SETBP1: variants seen among roughly 807,000 people sequenced by gnomAD.
The protein encoded by SETBP1 is SET-binding protein.
SETBP1 carries 9 observed loss-of-function variants against 101.0 expected under a neutral mutation model. The ratio of observed to expected loss-of-function variants is 0.09; its 90% CI spans 0.05 to 0.16. The LOEUF is 0.16. Among genes scored for constraint, SETBP1 ranks in the 10% least tolerant of loss-of-function variants. The pLI is 1.00. For missense variants in SETBP1, 1,858 were observed against 2,033.8 expected (o/e 0.91, Z 1.66); for synonymous variants, 818 against 788.5 (o/e 1.04, Z -0.63).
intron 5 of SETBP1, among the ~76,000 whole-genome samples, chr18:45,059,875 T>C (rs1238100726): frequency 2.0e-5 from 3 of 152,166 alleles, no homozygotes; most frequent in Non-Finnish European, 4.4e-5. Context: ...AAGTAGATGT[T>C]GAGTAGTAGG....
Position 45,063,898 on chromosome 18 carries a change from A to G in SETBP1, c.*200A>G. The stretch of plus-strand genomic sequence containing the variant: ...AGCAAAGCAGGGAGACACCTTCAGA[A>G]GAAGCTTGTCTGAGCTTCACCGCAG... On this transcript the variant is annotated 3_prime_UTR_variant, in exon 6 of 6. Coordinates refer to ENST00000649279, the MANE Select transcript of SETBP1 (RefSeq NM_015559.3). 7.0e-6 allele frequency: 4 copies of G among 569,290 alleles called. No homozygotes were observed. The highest frequency in any genetic ancestry group is 6.5e-5 in the East Asian group (2 of 30,930). 35.3% of individuals were successfully genotyped at this position (569,290 alleles called of 1,614,324 possible). A position where few individuals can be genotyped will look rare whatever the true frequency, so the allele number is the denominator to read the frequency against.
At chr18:45,046,893 G>T (rs1422244142) in intron 5 of SETBP1, among the ~76,000 whole-genome samples, 1 of 152,156 alleles carries the variant, frequency 6.6e-6, no homozygotes, top group African/African-American at 2.4e-5. Context: ...GCACGATGCT[G>T]GGTGCTTAGT....
In SETBP1 at chr18:45,038,674, C is replaced by A. The variant is rs753108749; in HGVS notation, c.4171+19C>A. ...GATGCAGGTGAGCACTTTTCAGATG[C>A]TTTGGGTTCACCCCAAGCAAGATGA... On this transcript the variant is annotated intron_variant, in intron 5 of 5. Transcript: ENST00000649279. The A allele has an allele frequency of 3.7e-6, 6 of 1,613,264 alleles. No individual in the cohort carries two copies. Among genetic ancestry groups the A allele is most frequent in the Non-Finnish European group, 5.1e-6 (6 of 1,179,688 alleles).
chr18:44,856,910 G>A (rs559054213), intron 2 of SETBP1, among the ~76,000 whole-genome samples: 1 of 152,240 alleles, frequency 6.6e-6, no homozygotes, highest in Non-Finnish European at 1.5e-5. Flanking sequence ...CCCTTGCTTT[G>A]TATAGCTCCC....
At chr18:44,916,119 G>A (rs1437666067) in intron 3 of SETBP1, among the ~76,000 whole-genome samples, 12 of 152,080 alleles carry the variant, frequency 7.9e-5, no homozygotes, top group African/African-American at 1.9e-4. Context: ...CCAGCTACTC[G>A]GGAGGCTGAG....
At position 45,020,084 on chromosome 18, in the gene SETBP1, C is replaced by A. The variant is rs2073025809; in HGVS notation, c.4001-18401C>A. Among the ~76,000 whole-genome samples the A allele has an allele frequency of 2.0e-5, 3 of 151,538 alleles. No homozygotes were observed. In the South Asian group the frequency reaches 6.3e-4, roughly 32 times the overall value. On this transcript the variant is annotated intron_variant, in intron 4 of 5. Transcript: ENST00000649279. ...TGTGGCAGGTTGAGATTTAAAGTTA[C>A]TCATATAATCGTTTGGTCTTCAGCC...
chr18:44,909,731 C>T (rs1399498779), intron 3 of SETBP1, among the ~76,000 whole-genome samples: 1 of 152,120 alleles, frequency 6.6e-6, no homozygotes, highest in Non-Finnish European at 1.5e-5. Context: ...GATGACAAAA[C>T]CAAGGCACAG....
intron 4 of SETBP1, among the ~76,000 whole-genome samples, chr18:44,982,532 C>T (rs2072137915): frequency 6.6e-6 from 1 of 152,172 alleles, no homozygotes; most frequent in Non-Finnish European, 1.5e-5. Flanking sequence ...CATATTCAAT[C>T]AAGCAAGAGC....
intron 2 of SETBP1, among the ~76,000 whole-genome samples, chr18:44,736,465 G>C (rs1411296171): frequency 6.6e-6 from 1 of 152,136 alleles, no homozygotes; most frequent in Admixed American, 6.5e-5. Context: ...CAGTTTTATA[G>C]ACATAAGGAT....
intron 2 of SETBP1, among the ~76,000 whole-genome samples, chr18:44,774,211 G>T (rs184392371): frequency 6.6e-6 from 1 of 152,084 alleles, no homozygotes; most frequent in Non-Finnish European, 1.5e-5. Context: ...TTTGATGTAC[G>T]CATGGATCCT....
intron 2 of SETBP1, among the ~76,000 whole-genome samples, chr18:44,708,928 A>G (rs2069280752): frequency 6.6e-6 from 1 of 152,174 alleles, no homozygotes; most frequent in Admixed American, 6.5e-5. Flanking sequence ...GTTTGGACCC[A>G]CTGTTCCGTC....
chr18:44,686,553 A>T (rs1358086345), intron 1 of SETBP1, among the ~76,000 whole-genome samples: 2 of 152,050 alleles, frequency 1.3e-5, no homozygotes, highest in East Asian at 3.9e-4. Flanking sequence ...ACCCCCTCCA[A>T]GCTCTGAGCC....
Position 44,688,742 on chromosome 18 carries a change from C to T in SETBP1, c.-173+7721C>T, listed in dbSNP as rs1265925160. ...TGCTGGGATTACAGGCATGAGCCAC[C>T]GCGCCTGGCCAAGACCTTGGTTTTT... On this transcript the variant is annotated intron_variant, in intron 1 of 5. Coordinates refer to ENST00000649279, the MANE Select transcript of SETBP1 (RefSeq NM_015559.3). Among the ~76,000 whole-genome samples the T allele has an allele frequency of 6.6e-5, 10 of 152,080 alleles. 1 individual carries two copies. The highest frequency in any genetic ancestry group is 5.2e-4 in the Admixed American group (8 of 15,264).
At chr18:44,998,825 C>A (rs2072555689) in intron 4 of SETBP1, among the ~76,000 whole-genome samples, 1 of 152,186 alleles carries the variant, frequency 6.6e-6, no homozygotes, top group African/African-American at 2.4e-5. Context: ...TTATGAGAAA[C>A]AGTTCTAAAA....
chr18:45,031,087 C>A (rs1262418053), intron 4 of SETBP1, among the ~76,000 whole-genome samples: 1 of 151,996 alleles, frequency 6.6e-6, no homozygotes, highest in Non-Finnish European at 1.5e-5. Flanking sequence ...TTTTCTAGTT[C>A]TTTTAATTGT....
intron 3 of SETBP1, among the ~76,000 whole-genome samples, chr18:44,942,551 C>T (rs1347799054): frequency 1.3e-5 from 2 of 152,098 alleles, no homozygotes; most frequent in Non-Finnish European, 2.9e-5. Flanking sequence ...CTTCCCTATG[C>T]CCAGATTTAG....
intron 5 of SETBP1, among the ~76,000 whole-genome samples, chr18:45,045,018 T>A (rs1457658768): frequency 2.0e-5 from 3 of 152,140 alleles, no homozygotes; most frequent in Non-Finnish European, 4.4e-5. Flanking sequence ...GTGCGGTGGC[T>A]TATGCCTGAT....
intron 3 of SETBP1, among the ~76,000 whole-genome samples, chr18:44,874,427 T>C (rs1373991898): frequency 6.6e-6 from 1 of 152,152 alleles, no homozygotes; most frequent in Non-Finnish European, 1.5e-5. Context: ...TGAAGGTTCC[T>C]CAATGGGTAG....
chr18:44,972,142 C>G lies in SETBP1; in HGVS notation c.4000+18802C>G, dbSNP rs4271676. Among the ~76,000 whole-genome samples, 696 of 152,280 alleles carry G rather than the reference C, an allele frequency of 4.6e-3. 14 individuals are homozygous for G. The highest frequency in any genetic ancestry group is 0.034 in the Admixed American group (515 of 15,296). On this transcript the variant is annotated intron_variant, in intron 4 of 5. Transcript: ENST00000649279. ...ATTTATTAAATAGGGAATCCTTTCC[C>G]CATTTCTTATTTTTGTCAGGTTTGT...
Sources: gnomAD v4.1 joint callset for allele counts (sites outside exome capture counted in the v4.1 genomes callset) on GRCh38, gnomAD v4.1.1 for gene constraint, MANE v1.5 for transcripts, NCBI Gene and HGNC (gene_info 2026-07-23, HGNC 2026-07-21) for gene names.